The following CHN2 variants were observed in gnomAD, a reference collection of about 807,000 sequenced individuals.
The protein encoded by CHN2 is chimerin 2, also known as beta-chimaerin.
In CHN2, 35 loss-of-function variants were observed where a neutral mutation model predicts 56.3. The observed-to-expected ratio is 0.62, with a 90% CI of 0.47 to 0.82. The LOEUF is 0.82. Ranked by LOEUF, CHN2 falls within the 40% of genes least tolerant of loss-of-function variation. CHN2 has a pLI of 0.00. For synonymous variants in CHN2, 210 were observed against 212.8 expected, an observed-to-expected ratio of 0.99 and a Z score of 0.12; for missense variants, 491 against 580.5, an observed-to-expected ratio of 0.85 and a Z score of 1.58.
At chr7:29,239,171 A>G (rs1787449417) in intron 1 of CHN2, among the ~76,000 whole-genome samples, 1 of 152,218 alleles carries the variant, frequency 6.6e-6, no homozygotes, top group Admixed American at 6.5e-5. Flanking sequence ...TGCTCAGGCC[A>G]GAGTGATGGC....
intron 1 of CHN2, chr7:29,292,967 A>T (rs1399645683): frequency 2.2e-6 from 1 of 456,198 alleles, no homozygotes; most frequent in South Asian, 1.5e-5. Context: ...CCAAAATGTA[A>T]GTCAGATGAT....
chr7:29,209,776 A>G (rs1421858715), intron 1 of CHN2, among the ~76,000 whole-genome samples: 2 of 152,206 alleles, frequency 1.3e-5, no homozygotes, highest in African/African-American at 4.8e-5. Flanking sequence ...TGTTTTTAAA[A>G]CAGAGATTCC....
intron 1 of CHN2, among the ~76,000 whole-genome samples, chr7:29,267,451 C>G (rs1383235064): frequency 6.6e-6 from 1 of 152,020 alleles, no homozygotes; most frequent in African/African-American, 2.4e-5. Flanking sequence ...ACCATGTTAG[C>G]CAGGCTGGTC....
At chr7:29,357,560 A>G (rs1798404644) in intron 2 of CHN2, among the ~76,000 whole-genome samples, 2 of 152,252 alleles carry the variant, frequency 1.3e-5, no homozygotes, top group Non-Finnish European at 2.9e-5. Flanking sequence ...AATGAATAAA[A>G]TGTGGCTTAT....
chr7:29,331,277 T>C (rs1387215770), intron 1 of CHN2, among the ~76,000 whole-genome samples: 2 of 152,058 alleles, frequency 1.3e-5, no homozygotes, highest in African/African-American at 4.8e-5. Flanking sequence ...TGTCGGCAGA[T>C]TGAGAGAACT....
chr7:29,474,889 C>G (rs1251005245), intron 6 of CHN2, among the ~76,000 whole-genome samples: 3 of 152,178 alleles, frequency 2.0e-5, no homozygotes, highest in Non-Finnish European at 4.4e-5. Context: ...GAGAGGTGGT[C>G]CTGACTGAAG....
At chr7:29,486,142 G>A (rs947662744) in intron 7 of CHN2, among the ~76,000 whole-genome samples, 1 of 152,174 alleles carries the variant, frequency 6.6e-6, no homozygotes, top group Admixed American at 6.5e-5. Context: ...GGAAACTCCC[G>A]ATGGGAGGGG....
At chr7:29,232,403 T>A (rs1015630609) in intron 1 of CHN2, among the ~76,000 whole-genome samples, 1 of 152,214 alleles carries the variant, frequency 6.6e-6, no homozygotes, top group Non-Finnish European at 1.5e-5. Context: ...TCCTTTTACG[T>A]CTACAGCCAG....
chr7:29,260,884 C>T (rs1789484953), intron 1 of CHN2, among the ~76,000 whole-genome samples: 1 of 152,208 alleles, frequency 6.6e-6, no homozygotes, highest in Non-Finnish European at 1.5e-5. Flanking sequence ...ATGTAATTCA[C>T]AGCTCTTTGA....
intron 1 of CHN2, among the ~76,000 whole-genome samples, chr7:29,331,986 T>C (rs1796256439): frequency 7.3e-6 from 1 of 137,620 alleles, no homozygotes; most frequent in African/African-American, 2.8e-5. Context: ...CACTCCAGCC[T>C]GGGCAACAGA....
At chr7:29,161,633 CTG>C (rs1562801278) in intron 2 of CHN2, among the ~76,000 whole-genome samples, 1 of 152,192 alleles carries the variant, frequency 6.6e-6, no homozygotes, top group East Asian at 1.9e-4. Context: ...GATGGGTAGA[CTG>C]GCCTTTTCAC....
At chr7:29,400,939 C>G in intron 6 of CHN2, 111 bp downstream of exon 6, 1 of 1,063,902 alleles carries the variant, frequency 9.4e-7, no homozygotes, top group Non-Finnish European at 1.3e-6. Context: ...CACCCCCACC[C>G]GAAGAACTCT....
At chr7:29,369,585 A>C (rs994594990) in intron 3 of CHN2, among the ~76,000 whole-genome samples, 2 of 152,302 alleles carry the variant, frequency 1.3e-5, no homozygotes, top group South Asian at 4.2e-4. Context: ...TGTGCGTGTG[A>C]AAGAGACAGA....
At chr7:29,178,652 G>C (rs934495365) in intron 2 of CHN2, among the ~76,000 whole-genome samples, 42 of 152,242 alleles carry the variant, frequency 2.8e-4, no homozygotes, top group African/African-American at 9.9e-4. Context: ...CAGGGACTTT[G>C]TTTATTGTTA....
At chr7:29,400,460 A>G in intron 5 of CHN2, 83 bp from the exon 6 acceptor site, 1 of 1,411,448 alleles carries the variant, frequency 7.1e-7, no homozygotes, top group East Asian at 2.3e-5. Context: ...CTAAGTATTC[A>G]AAAAACGTTA....
At chr7:29,328,671 A>C (rs79758922) in intron 1 of CHN2, among the ~76,000 whole-genome samples, 2 of 141,990 alleles carry the variant, frequency 1.4e-5, no homozygotes, top group Non-Finnish European at 1.5e-5. Flanking sequence ...TTGCTGAATT[A>C]AAAAAAAAAA....
intron 12 of CHN2, among the ~76,000 whole-genome samples, chr7:29,511,376 G>A (rs1306374766): frequency 6.6e-6 from 1 of 152,278 alleles, no homozygotes; most frequent in Admixed American, 6.5e-5. Flanking sequence ...TACTTATTGT[G>A]ATCAATATCC....
chr7:29,211,215 C>T (rs1249643386), intron 1 of CHN2, among the ~76,000 whole-genome samples: 11 of 151,564 alleles, frequency 7.3e-5, no homozygotes, highest in East Asian at 1.9e-4. Context: ...GGACTAAAGG[C>T]GCCTGCCACC....
rs538014404 is a variant in CHN2, at chr7:29,231,417, C to G, written c.49+36427C>G. 6.6e-5 allele frequency among the ~76,000 whole-genome samples: 10 copies of G among 152,312 alleles called. No homozygotes were observed. In the South Asian group the frequency reaches 2.1e-3, roughly 32 times the overall value. ...CATCATTTTTGTATAAAAGGACAGT[C>G]TTATCTACGTATCTGTCTTTACCGC... On this transcript the variant is annotated intron_variant, in intron 1 of 12. Transcript: ENST00000222792.
Sources: allele counts gnomAD v4.1 joint callset (sites outside exome capture counted in the v4.1 genomes callset), GRCh38; gene constraint gnomAD v4.1.1; transcripts MANE v1.5; gene names NCBI Gene and HGNC (gene_info 2026-07-23, HGNC 2026-07-21).